TRPC5: variants seen among roughly 807,000 people sequenced by gnomAD.
TRPC5 encodes transient receptor potential cation channel subfamily C member 5, also known as short transient receptor potential channel 5.
In TRPC5, 9 loss-of-function variants were observed where a neutral mutation model predicts 56.5. The ratio of observed to expected loss-of-function variants is 0.16; its 90% CI spans 0.10 to 0.28. The LOEUF (loss-of-function observed/expected upper bound fraction) is 0.28, where lower values mean the gene tolerates loss of function less well. Among genes scored for constraint, TRPC5 ranks in the 10% least tolerant of loss-of-function variants. The pLI is 1.00. For synonymous variants in TRPC5, 282 were observed against 278.5 expected (o/e 1.01, Z -0.13); for missense variants, 469 against 748.9 (o/e 0.63, Z 4.36).
chrX:111,904,473 G>T (rs149706682), intron 3 of TRPC5, among the ~76,000 whole-genome samples: 1,651 of 111,747 alleles, frequency 0.015, 24 homozygotes, highest in African/African-American at 0.051. Context: ...ACAAGATCAT[G>T]TCCTTTACAG....
chrX:111,781,802 T>G, intron 8 of TRPC5, 133 bp downstream of exon 8: 5 of 504,363 alleles, frequency 9.9e-6, no homozygotes, highest in Non-Finnish European at 9.4e-6. Flanking sequence ...GGCTGAGGCA[T>G]GAGAATTGCT....
chrX:111,961,493 A>G (rs2035585539), intron 1 of TRPC5, among the ~76,000 whole-genome samples: 1 of 111,989 alleles, frequency 8.9e-6, no homozygotes, highest in African/African-American at 3.2e-5. Flanking sequence ...TTGAGATAGT[A>G]TGCTTTCTAC....
intron 1 of TRPC5, among the ~76,000 whole-genome samples, chrX:112,068,195 C>A (rs974866204): frequency 8.9e-6 from 1 of 112,329 alleles, no homozygotes; most frequent in African/African-American, 3.2e-5. Flanking sequence ...CCCCTCTCTC[C>A]ATTTATAATA....
chrX:111,820,863 G>A (rs1348927636), intron 7 of TRPC5, among the ~76,000 whole-genome samples: 2 of 112,319 alleles, frequency 1.8e-5, no homozygotes, highest in South Asian at 3.7e-4. Context: ...GTTAAGGATG[G>A]AGAGATTTCA....
intron 1 of TRPC5, among the ~76,000 whole-genome samples, chrX:112,008,787 C>T (rs1928914033): frequency 9.0e-6 from 1 of 111,335 alleles, no homozygotes; most frequent in African/African-American, 3.3e-5. Context: ...ATGTAAAACA[C>T]TAATAACAGT....
intron 1 of TRPC5, among the ~76,000 whole-genome samples, chrX:111,978,454 A>C (rs1442770615): frequency 9.0e-6 from 1 of 111,652 alleles, no homozygotes; most frequent in Non-Finnish European, 1.9e-5. Context: ...CAAAGGGTAC[A>C]ACATTTCATC....
intron 3 of TRPC5, among the ~76,000 whole-genome samples, chrX:111,905,647 G>C (rs1001754522): frequency 8.9e-6 from 1 of 111,777 alleles, no homozygotes; most frequent in Non-Finnish European, 1.9e-5. Context: ...GGACGCGGTG[G>C]CTCACGCCTG....
At chrX:112,045,628 A>C (rs1929998261) in intron 1 of TRPC5, among the ~76,000 whole-genome samples, 2 of 112,311 alleles carry the variant, frequency 1.8e-5, no homozygotes, top group South Asian at 7.3e-4. Flanking sequence ...GAATTATTAT[A>C]CATTTGCAAG....
At chrX:112,077,382 T>G (rs1164593391) in intron 1 of TRPC5, among the ~76,000 whole-genome samples, 2 of 112,512 alleles carry the variant, frequency 1.8e-5, no homozygotes, top group Non-Finnish European at 3.8e-5. Context: ...TGTCCCTACA[T>G]GCTCAGTAGG....
intron 3 of TRPC5, among the ~76,000 whole-genome samples, chrX:111,869,331 T>A (rs773647171): frequency 8.9e-6 from 1 of 111,927 alleles, no homozygotes; most frequent in East Asian, 2.8e-4. Context: ...TTTTATTTTT[T>A]AAAAAGAAGA....
At chrX:111,802,524 C>T (rs1161127844) in intron 7 of TRPC5, among the ~76,000 whole-genome samples, 3 of 111,657 alleles carry the variant, frequency 2.7e-5, no homozygotes. Context: ...ATTACTGTAC[C>T]ATGTATCCAT....
At chrX:111,902,175 CA>C in intron 3 of TRPC5, 1 of 1,121,482 alleles carries the variant, frequency 8.9e-7, no homozygotes, top group Non-Finnish European at 1.2e-6. Flanking sequence ...GATGACTTAA[CA>C]GGTGACTAAG....
intron 1 of TRPC5, among the ~76,000 whole-genome samples, chrX:112,008,525 G>A (rs754694208): frequency 3.8e-4 from 41 of 109,046 alleles, no homozygotes; most frequent in African/African-American, 1.3e-3. Flanking sequence ...GTGTGAACCC[G>A]GGAGGTGGAG....
intron 2 of TRPC5, among the ~76,000 whole-genome samples, chrX:111,935,418 T>G (rs770375373): frequency 2.7e-5 from 3 of 111,997 alleles, no homozygotes; most frequent in African/African-American, 9.7e-5. Context: ...ATTCTGTAGG[T>G]TGCCTCTTCA....
At chrX:111,783,044 T>C (rs1945933531) in intron 7 of TRPC5, among the ~76,000 whole-genome samples, 1 of 112,080 alleles carries the variant, frequency 8.9e-6, no homozygotes, top group South Asian at 3.7e-4. Flanking sequence ...GTCATATAAA[T>C]GGAATCATAC....
intron 1 of TRPC5, among the ~76,000 whole-genome samples, chrX:111,975,172 C>T (rs1317892949): frequency 9.0e-6 from 1 of 111,137 alleles, no homozygotes; most frequent in African/African-American, 3.3e-5. Context: ...GGTTGCTCCA[C>T]GTCAGCAAAA....
chrX:111,864,696 G>A (rs1465812661), intron 3 of TRPC5, among the ~76,000 whole-genome samples: 1 of 112,093 alleles, frequency 8.9e-6, no homozygotes, highest in African/African-American at 3.2e-5. Flanking sequence ...CACAAAACTT[G>A]CTTTTCTTCG....
intron 1 of TRPC5, among the ~76,000 whole-genome samples, chrX:111,975,437 A>T (rs112760215): frequency 0.14 from 14,961 of 109,803 alleles, 940 homozygotes; most frequent in African/African-American, 0.23. Context: ...TTATTATTAT[A>T]TATTATTACT....
chrX:111,951,408 C>T (rs1188843523), intron 2 of TRPC5, among the ~76,000 whole-genome samples: 1 of 111,576 alleles, frequency 9.0e-6, no homozygotes, highest in Non-Finnish European at 1.9e-5. Flanking sequence ...AAGGAAGGAA[C>T]CACAGGACTC....
Sources: gnomAD v4.1 joint callset for allele counts (sites outside exome capture counted in the v4.1 genomes callset) on GRCh38, gnomAD v4.1.1 for gene constraint, MANE v1.5 for transcripts, NCBI Gene and HGNC (gene_info 2026-07-23, HGNC 2026-07-21) for gene names.